Variants in CRLF3 observed in about 807,000 individuals in gnomAD.
The protein encoded by CRLF3 is cytokine receptor-like factor 3.
Under a neutral mutation model 55.0 loss-of-function variants are expected in CRLF3, and 33 were observed. That is an observed-to-expected ratio of 0.60 (90% CI 0.46 to 0.80). The LOEUF (loss-of-function observed/expected upper bound fraction) is 0.80. CRLF3 is among the 30% of genes least tolerant of loss of function. CRLF3 has a pLI of 0.00. For missense variants in CRLF3, 494 were observed against 538.4 expected (o/e 0.92, Z 0.82); for synonymous variants, 238 against 196.8 (o/e 1.21, Z -1.75).
intron 5 of CRLF3, 130 bp from the exon 6 acceptor site, chr17:30,792,702 A>C (rs1971831813): frequency 2.7e-6 from 2 of 743,364 alleles, no homozygotes; most frequent in African/African-American, 1.7e-5. Context: ...ATAAAATAAA[A>C]GATTCCATTA....
chr17:30,818,228 C>A (rs1050252123), intron 1 of CRLF3, among the ~76,000 whole-genome samples: 1 of 151,766 alleles, frequency 6.6e-6, no homozygotes, highest in Non-Finnish European at 1.5e-5. Context: ...CCATTGCACT[C>A]CAGCCTGGGC....
chr17:30,798,978 A>T (rs1181154941), intron 2 of CRLF3, among the ~76,000 whole-genome samples: 4 of 152,188 alleles, frequency 2.6e-5, no homozygotes, highest in African/African-American at 9.6e-5. Context: ...AATTTTTTTT[A>T]ATTAAAAAAC....
intron 4 of CRLF3, among the ~76,000 whole-genome samples, chr17:30,795,651 AAAG>A (rs1292348905): frequency 6.6e-6 from 1 of 150,856 alleles, no homozygotes; most frequent in East Asian, 2.0e-4. Context: ...TTTAAAAAAA[AAAG>A]GCCAGGCACG....
Position 30,824,606 on chromosome 17 carries a change from C to T in CRLF3, c.46G>A (p.Ala16Thr). The change falls in exon 1 of 8, where the codon GCC (alanine) becomes ACC (threonine). Residue 16 changes from alanine to threonine, a missense_variant. Coordinates refer to ENST00000324238, the MANE Select transcript of CRLF3 (RefSeq NM_015986.4). ...TGCGCTGCCTCCACGTTCTCGCGGG[C>T]CTCCTGCAACAGCAGCTCAGGCTCC... ...ELEPELLLQEARENVEAAQSY... is the reference protein window; with the variant it reads ...ELEPELLLQETRENVEAAQSY... 1 of 1,605,574 alleles carries T rather than the reference C, an allele frequency of 6.2e-7. No homozygotes were observed. Among genetic ancestry groups the T allele is most frequent in the East Asian group, 2.2e-5 (1 of 44,792 alleles).
rs1419753241 is a variant in CRLF3 at position 30,790,557 on chromosome 17, TA to T, written c.959+1882del. On this transcript the variant is annotated intron_variant, in intron 6 of 7. Transcript: ENST00000324238. ...GTTGTCTCTTACAAAGACTTGCTGT[TA>T]ATGATTCACAAAGGACAAAACAAAT... is the stretch of plus-strand genomic sequence containing the variant. The T allele has an allele frequency of 3.3e-5, 5 of 151,880 alleles. No homozygotes were observed. The East Asian group carries it at 9.6e-4, about 29-fold the overall frequency. 9.4% of individuals were successfully genotyped at this position (151,880 alleles called of 1,614,324 possible).
chr17:30,802,993 T>C lies in CRLF3; in HGVS notation c.337+908A>G, dbSNP rs1481244674. On this transcript the variant is annotated intron_variant, in intron 2 of 7. Transcript: ENST00000324238. ...CAGCCTGGGCAACATGGTGAAACCC[T>C]GTCTCTACTAAAAATACTAAAAAAT... 6.6e-5 allele frequency among the ~76,000 whole-genome samples: 10 copies of C among 151,566 alleles called. No homozygotes were observed. The South Asian group carries it at 1.7e-3, about 25-fold the overall frequency.
intron 1 of CRLF3, among the ~76,000 whole-genome samples, chr17:30,817,228 A>C (rs1414809684): frequency 6.6e-6 from 1 of 152,066 alleles, no homozygotes; most frequent in Non-Finnish European, 1.5e-5. Context: ...GCCTGAGCTC[A>C]GGAGTTCAAG....
Position 30,782,746 on chromosome 17 carries a change from ATCT to A in CRLF3, c.*1438_*1440del, listed in dbSNP as rs1213499289. The A allele has an allele frequency of 6.6e-6, 1 of 152,180 alleles. No homozygotes were observed. Among genetic ancestry groups the A allele is most frequent in the East Asian group, 1.9e-4 (1 of 5,196 alleles). 9.4% of individuals were successfully genotyped at this position (152,180 alleles called of 1,614,324 possible). A position where few individuals can be genotyped will look rare whatever the true frequency, so the allele number is the denominator to read the frequency against. Reference sequence around the variant, plus strand: ...GGACAAGGTATCTACATTCTAGAACATCTTCTTAATCCCTAAACAAGTGGAAAT... The same window carrying A: ...GGACAAGGTATCTACATTCTAGAACATCTTAATCCCTAAACAAGTGGAAAT... On this transcript the variant is annotated 3_prime_UTR_variant, in exon 8 of 8. Coordinates refer to ENST00000324238, the MANE Select transcript of CRLF3 (RefSeq NM_015986.4).
At chr17:30,792,388 TG>T (rs752729473) in intron 6 of CRLF3, 51 bp downstream of exon 6, 1 of 1,546,202 alleles carries the variant, frequency 6.5e-7, no homozygotes, top group Non-Finnish European at 8.9e-7. Context: ...GTATGCTCTA[TG>T]CACTTCACTC....
At chr17:30,802,927 G>C (rs1972029881) in intron 2 of CRLF3, among the ~76,000 whole-genome samples, 1 of 152,034 alleles carries the variant, frequency 6.6e-6, no homozygotes, top group Non-Finnish European at 1.5e-5. Flanking sequence ...CACTTTGGGA[G>C]GCCAAGATGA....
chr17:30,800,859 C>G (rs372046589), intron 2 of CRLF3, among the ~76,000 whole-genome samples: 329 of 151,096 alleles, frequency 2.2e-3, no homozygotes, highest in African/African-American at 6.6e-3. Context: ...ACTGCAAGCT[C>G]CGCCTCCTGG....
At chr17:30,815,467 C>G (rs961052509) in intron 1 of CRLF3, among the ~76,000 whole-genome samples, 3 of 151,216 alleles carry the variant, frequency 2.0e-5, no homozygotes, top group Non-Finnish European at 2.9e-5. Context: ...GGTAATCCAC[C>G]CAACTTGCCA....
chr17:30,808,474 G>A (rs1177373672), intron 1 of CRLF3, among the ~76,000 whole-genome samples: 1 of 151,726 alleles, frequency 6.6e-6, no homozygotes, highest in East Asian at 1.9e-4. Flanking sequence ...TTTTAGTAGA[G>A]ATGGGGTTTC....
chr17:30,819,088 A>ATT (rs1904907449), intron 1 of CRLF3, among the ~76,000 whole-genome samples: 1 of 152,192 alleles, frequency 6.6e-6, no homozygotes, highest in Non-Finnish European at 1.5e-5. Context: ...AAGTGCTGGG[A>ATT]TTACAGGCGT....
At chr17:30,792,617 G>C (rs760538211) in intron 5 of CRLF3, 45 bp from the exon 6 acceptor site, 1 of 1,565,040 alleles carries the variant, frequency 6.4e-7, no homozygotes, top group South Asian at 1.1e-5. Flanking sequence ...ATCTCTTGAG[G>C]GATATCTTCA....
chr17:30,810,727 T>TA (rs1196927864), intron 1 of CRLF3, among the ~76,000 whole-genome samples: 1 of 152,118 alleles, frequency 6.6e-6, no homozygotes, highest in East Asian at 1.9e-4. Flanking sequence ...CCCAAAAGCT[T>TA]AGGGAGTATT....
At chr17:30,801,142 C>T (rs1597923632) in intron 2 of CRLF3, 3 of 151,546 alleles carry the variant, frequency 2.0e-5, no homozygotes, top group Admixed American at 6.6e-5. Flanking sequence ...GTCTCGAACT[C>T]CTTACCTCAA....
intron 7 of CRLF3, among the ~76,000 whole-genome samples, chr17:30,785,567 G>GA (rs1217502915): frequency 6.6e-6 from 1 of 151,826 alleles, no homozygotes; most frequent in Non-Finnish European, 1.5e-5. Context: ...AGGATTGCTG[G>GA]AAACCAGGAG....
chr17:30,796,264 C>T lies in CRLF3; in HGVS notation c.499G>A (p.Val167Met). ...AQLDDSILNIVKDHIFKHGTV... is the reference protein window; with the variant it reads ...AQLDDSILNIMKDHIFKHGTV... ...CCATGCTTAAAAATGTGGTCTTTCA[C>T]TATGTTAAGAATTGAGTCATCCAAC... The change falls in exon 4 of 8, where the codon GTG becomes ATG. Residue 167 changes from valine (V) to methionine (M), a missense_variant. By Grantham distance (21) the Val-to-Met change is conservative. Transcript: ENST00000324238. 1.2e-6 allele frequency: 2 copies of T among 1,614,014 alleles called. No homozygotes were observed. The highest frequency in any genetic ancestry group is 1.3e-5 in the African/African-American group (1 of 74,996).
Sources: gnomAD v4.1 joint callset for allele counts (sites outside exome capture counted in the v4.1 genomes callset) on GRCh38, gnomAD v4.1.1 for gene constraint, MANE v1.5 for transcripts, NCBI Gene and HGNC (gene_info 2026-07-23, HGNC 2026-07-21) for gene names.